ADGRF5: variants seen among roughly 807,000 people sequenced by gnomAD.
ADGRF5 encodes the protein adhesion G protein-coupled receptor F5, also known as G-protein coupled receptor 116.
ADGRF5 carries 75 observed loss-of-function variants against 132.3 expected under a neutral mutation model. The ratio of observed to expected loss-of-function variants is 0.57; its 90% confidence interval spans 0.47 to 0.69. The LOEUF is 0.69. Among genes scored for constraint, ADGRF5 ranks in the 30% least tolerant of loss-of-function variants. ADGRF5 has a pLI of 0.00. For missense variants in ADGRF5, 1,516 were observed against 1,630.6 expected (o/e 0.93, Z 1.21); for synonymous variants, 629 against 597.6 (o/e 1.05, Z -0.77).
intron 4 of ADGRF5, among the ~76,000 whole-genome samples, chr6:46,884,816 A>G (rs1315445167): frequency 6.6e-6 from 1 of 152,208 alleles, no homozygotes; most frequent in Non-Finnish European, 1.5e-5. Context: ...AAGACACATC[A>G]TGGAGAGGTC....
At chr6:46,895,390 C>T (rs148714434) in intron 3 of ADGRF5, among the ~76,000 whole-genome samples, 50 of 151,896 alleles carry the variant, frequency 3.3e-4, no homozygotes, top group African/African-American at 1.2e-3. Context: ...GCTCAGAGCA[C>T]TCAGGGCTAC....
At chr6:46,885,215 A>G (rs1772939582) in intron 4 of ADGRF5, among the ~76,000 whole-genome samples, 1 of 150,686 alleles carries the variant, frequency 6.6e-6, no homozygotes, top group Admixed American at 6.6e-5. Flanking sequence ...AAAAAAAGAA[A>G]AAGAAAAAGA....
At chr6:46,888,293 A>G (rs1581859877) in intron 4 of ADGRF5, 42 bp downstream of exon 4, 1 of 1,404,894 alleles carries the variant, frequency 7.1e-7, no homozygotes, top group East Asian at 2.3e-5. Flanking sequence ...CTGTCTCAAG[A>G]CATCCAATCA....
intron 15 of ADGRF5, among the ~76,000 whole-genome samples, chr6:46,862,660 A>G (rs895051865): frequency 4.3e-5 from 6 of 139,762 alleles, no homozygotes; most frequent in African/African-American, 7.9e-5. Context: ...AGTCGGTCTG[A>G]GAGCAGAACA....
intron 3 of ADGRF5, among the ~76,000 whole-genome samples, chr6:46,890,515 C>T (rs528667909): frequency 7.7e-5 from 9 of 117,602 alleles, no homozygotes; most frequent in Non-Finnish European, 1.6e-4. Context: ...GTCAGGAGTT[C>T]GAGACCAGCC....
chr6:46,877,293 C>CTTTCTTTCTTTCTT (rs1554200479), intron 10 of ADGRF5, among the ~76,000 whole-genome samples: 6 of 58,388 alleles, frequency 1.0e-4, no homozygotes, highest in South Asian at 6.1e-4. Context: ...CTTTCTTTCT[C>CTTTCTTTCTTTCTT]TCTCTCTCTC....
At chr6:46,948,331 A>T (rs984561674) in intron 1 of ADGRF5, among the ~76,000 whole-genome samples, 1 of 152,206 alleles carries the variant, frequency 6.6e-6, no homozygotes, top group Non-Finnish European at 1.5e-5. Flanking sequence ...ATTATTTGTA[A>T]TATTATACCT....
At chr6:46,895,364 A>G (rs1774069329) in intron 3 of ADGRF5, among the ~76,000 whole-genome samples, 1 of 151,630 alleles carries the variant, frequency 6.6e-6, no homozygotes, top group African/African-American at 2.4e-5. Flanking sequence ...ATCTCACTCC[A>G]CCACCATCAC....
chr6:46,892,322 C>T (rs926883819), intron 3 of ADGRF5, among the ~76,000 whole-genome samples: 19 of 152,006 alleles, frequency 1.2e-4, no homozygotes, highest in African/African-American at 4.1e-4. Context: ...TTAAATGTGT[C>T]TTTAGAACTT....
At chr6:46,865,002 C>T (rs1268979962) in intron 14 of ADGRF5, 40 bp downstream of exon 14, 2 of 1,391,506 alleles carry the variant, frequency 1.4e-6, no homozygotes, top group African/African-American at 1.4e-5. Flanking sequence ...AAGTCCCTGC[C>T]CTGACTATAA....
intron 3 of ADGRF5, among the ~76,000 whole-genome samples, chr6:46,896,361 C>T (rs1562207437): frequency 6.6e-6 from 1 of 152,114 alleles, no homozygotes; most frequent in African/African-American, 2.4e-5. Context: ...TTCATGCAGG[C>T]TTCTTTTTCC....
intron 4 of ADGRF5, chr6:46,886,936 AGT>A (rs1209365360): frequency 6.6e-6 from 1 of 152,194 alleles, no homozygotes; most frequent in Non-Finnish European, 1.5e-5. Context: ...GTGAATGACC[AGT>A]CTTTCTGGAA....
chr6:46,951,767 T>C (rs916091662), intron 1 of ADGRF5, among the ~76,000 whole-genome samples: 8 of 152,202 alleles, frequency 5.3e-5, no homozygotes, highest in Non-Finnish European at 1.2e-4. Context: ...GCAATGAATG[T>C]CTCATGGATT....
intron 10 of ADGRF5, among the ~76,000 whole-genome samples, 182 bp from the exon 11 acceptor site, chr6:46,872,195 C>T (rs910090303): frequency 1.3e-5 from 2 of 152,068 alleles, no homozygotes; most frequent in Non-Finnish European, 2.9e-5. Flanking sequence ...TGCCTGGCTT[C>T]GGATCCCAAA....
At position 46,871,335 on chromosome 6, in the gene ADGRF5, C is replaced by A. The variant is rs1223400667; in HGVS notation, c.1411+508G>T. ...TCACTCGTTCCAACCATAAAATAAC[C>A]AGAAAGAATCAGATTATTAAGGCTT... On this transcript the variant is annotated intron_variant, in intron 11 of 20. Transcript: ENST00000283296. Among the ~76,000 whole-genome samples, 4 of 151,980 alleles carry A rather than the reference C, an allele frequency of 2.6e-5. No homozygotes were observed. In the East Asian group the frequency reaches 5.8e-4, roughly 22 times the overall value.
chr6:46,859,130 T>C lies in ADGRF5; in HGVS notation c.2773A>G (p.Thr925Ala). ...GTTGTATTGTGGCTGACAGTGGTTG[T>C]CATCACTAAGCTCTCTGCAAAGTTA... ...ENNFAESLVM[T>A]TTVSHNTTMP... The change falls in exon 17 of 21, where the codon ACA (threonine) becomes GCA (alanine). Residue 925 changes from threonine to alanine, a missense_variant. Thr to Ala is a moderately conservative substitution (Grantham distance 58). Transcript: ENST00000283296. 1.2e-6 allele frequency: 2 copies of C among 1,614,106 alleles called. No individual in the cohort carries two copies. Among genetic ancestry groups the C allele is most frequent in the Non-Finnish European group, 1.7e-6 (2 of 1,179,952 alleles).
intron 2 of ADGRF5, among the ~76,000 whole-genome samples, chr6:46,904,728 C>G (rs2150892118): frequency 6.6e-6 from 1 of 152,068 alleles, no homozygotes; most frequent in African/African-American, 2.4e-5. Flanking sequence ...TTTCAAATAC[C>G]AAGCCCATCA....
rs916806401 is a variant in ADGRF5, at chr6:46,880,023, A to T, written c.831T>A (p.Phe277Leu). 4.3e-6 allele frequency: 7 copies of T among 1,613,870 alleles called. No homozygotes were observed. The highest frequency in any genetic ancestry group is 5.1e-6 in the Non-Finnish European group (6 of 1,179,734). The change falls in exon 9 of 21, where the codon TTT (phenylalanine) becomes TTA (leucine). Residue 277 changes from phenylalanine (F) to leucine (L), a missense_variant. By Grantham distance (22) the Phe-to-Leu change is conservative. This residue lies in a region of ADGRF5 where 945 missense variants were observed against 929.4 expected (regional missense o/e 1.02). Transcript: ENST00000283296. The part of the protein sequence containing the change: ...QAVTINESNF[F>L]VTPEIIFEGD... ...CTTCAAAGATGATTTCTGGTGTGACAAAGAAATTGCTTTCATCTGGAAACC... is the reference window on the plus strand; with the variant it reads ...CTTCAAAGATGATTTCTGGTGTGACTAAGAAATTGCTTTCATCTGGAAACC...
In ADGRF5 at chr6:46,853,217, A is replaced by G. The variant is rs1768673890; in HGVS notation, c.*775T>C. ...AGTTCAAACCTTAACATACAAAGTT[A>G]GTCTCAGGAGGATCATATTTCCTTC... On this transcript the variant is annotated 3_prime_UTR_variant, in exon 21 of 21. Coordinates refer to ENST00000283296, the MANE Select transcript of ADGRF5 (RefSeq NM_001098518.2). 6.6e-6 allele frequency: 1 copy of G among 152,232 alleles called. No homozygotes were observed. Among genetic ancestry groups the G allele is most frequent in the Admixed American group, 6.5e-5 (1 of 15,286 alleles). The allele number at this position is 152,232 out of a possible 1,614,324, so 9.4% of individuals were successfully genotyped here. A position where few individuals can be genotyped will look rare whatever the true frequency, so the allele number is the denominator to read the frequency against.
Sources: gnomAD v4.1 joint callset for allele counts (sites outside exome capture counted in the v4.1 genomes callset) on GRCh38, gnomAD v4.1.1 for gene constraint, gnomAD v4.1.1 regional missense constraint, MANE v1.5 for transcripts, NCBI Gene and HGNC (gene_info 2026-07-23, HGNC 2026-07-21) for gene names.